Variants in PDCD4 observed in about 807,000 individuals in gnomAD.
The protein encoded by PDCD4 is programmed cell death 4, also known as programmed cell death protein 4.
A neutral mutation model predicts 54.0 loss-of-function variants in PDCD4; 56 were observed. The ratio of observed to expected loss-of-function variants is 1.04; its 90% CI spans 0.84 to 1.30. The LOEUF is 1.30. Among genes scored for constraint, PDCD4 ranks in the 50% most tolerant of loss-of-function variants. PDCD4 has a pLI of 0.00. For missense variants in PDCD4, 584 were observed against 559.8 expected (o/e 1.04, Z -0.44); for synonymous variants, 186 against 194.8 (o/e 0.95, Z 0.37).
intron 8 of PDCD4, chr10:110,890,995 G>T: frequency 5.4e-6 from 1 of 184,904 alleles, no homozygotes; most frequent in Non-Finnish European, 1.1e-5. Flanking sequence ...CTGTGTTTTA[G>T]CTATTCAATA....
rs116960558 is a variant in PDCD4 at position 110,888,334 on chromosome 10, A to G, written c.777+448A>G. ...GTCAAAAGTTTTTAATCAAGGTAAA[A>G]TCACTTTACTTAAAACATTAATTTA... On this transcript the variant is annotated intron_variant, in intron 6 of 11. Transcript: ENST00000280154. Among the ~76,000 whole-genome samples, 418 of 152,300 alleles carry G rather than the reference A, an allele frequency of 2.7e-3. 1 individual carries two copies. Among genetic ancestry groups the G allele is most frequent in the Non-Finnish European group, 5.0e-3 (337 of 67,996 alleles).
intron 1 of PDCD4, among the ~76,000 whole-genome samples, chr10:110,872,577 G>A (rs1459340451): frequency 1.3e-5 from 2 of 152,208 alleles, no homozygotes; most frequent in Non-Finnish European, 2.9e-5. Context: ...GGACTTCGGG[G>A]GTCCTAGCCT....
At chr10:110,874,279 G>A (rs981730407) in intron 1 of PDCD4, among the ~76,000 whole-genome samples, 10 of 152,030 alleles carry the variant, frequency 6.6e-5, no homozygotes, top group East Asian at 3.8e-4. Context: ...TAATCATTTC[G>A]CTTATTAGGT....
intron 2 of PDCD4, among the ~76,000 whole-genome samples, chr10:110,877,119 C>T (rs569906003): frequency 1.3e-5 from 2 of 152,242 alleles, no homozygotes; most frequent in East Asian, 3.9e-4. Context: ...ATGATCATTT[C>T]TGTGCTGCTG....
intron 1 of PDCD4, among the ~76,000 whole-genome samples, chr10:110,873,185 TTGAC>T (rs932864057): frequency 2.6e-5 from 4 of 152,226 alleles, no homozygotes; most frequent in African/African-American, 7.2e-5. Context: ...TGAATTATAA[TTGAC>T]TGGCTTTTTC....
intron 1 of PDCD4, among the ~76,000 whole-genome samples, chr10:110,872,966 C>G (rs1005549747): frequency 1.3e-5 from 2 of 152,254 alleles, no homozygotes. Flanking sequence ...TGAAAACGAT[C>G]AGAAATGCGA....
Position 110,895,979 on chromosome 10 carries a change from A to C in PDCD4, c.1241A>C (p.Asp414Ala). Residue 414 changes from aspartate to alanine, a missense_variant, in exon 11 of 12, where the codon GAC becomes GCC. Asp to Ala is a moderately radical substitution (Grantham distance 126, BLOSUM62 -2). Transcript: ENST00000280154. Reference sequence around the variant, plus strand: ...GAGAGAATTTACAATGAAATTCCGGACATTAATCTGGATGTCCCACATTCA... The same window carrying C: ...GAGAGAATTTACAATGAAATTCCGGCCATTAATCTGGATGTCCCACATTCA... The part of the protein sequence containing the change: ...GYERIYNEIP[D>A]INLDVPHSYS... 6.2e-7 allele frequency: 1 copy of C among 1,604,696 alleles called. No individual in the cohort carries two copies. The highest frequency in any genetic ancestry group is 8.5e-7 in the Non-Finnish European group (1 of 1,175,140).
In PDCD4 at chr10:110,883,044, G is replaced by A; in HGVS notation, c.388G>A (p.Val130Met). The A allele has an allele frequency of 6.2e-7, 1 of 1,601,096 alleles. No homozygotes were observed. ...GKGVWGTPGQVYDVEEVDVKD... is the reference protein window; with the variant it reads ...GKGVWGTPGQMYDVEEVDVKD... The stretch of plus-strand genomic sequence containing the variant: ...AGGTGTCTGGGGTACACCTGGACAG[G>A]TGTATGATGTGGAGGAGGTGGATGT... The change falls in exon 4 of 12, where the codon GTG becomes ATG. Residue 130 changes from valine (V) to methionine (M), a missense_variant. Physicochemically the swap from Val to Met is conservative, Grantham distance 21 (BLOSUM62 1). Transcript: ENST00000280154.
At position 110,889,582 on chromosome 10, in the gene PDCD4, A is replaced by C. The variant is rs779160464; in HGVS notation, c.827A>C (p.Asn276Thr). 3.1e-6 allele frequency: 5 copies of C among 1,608,414 alleles called. No homozygotes were observed. The South Asian group carries it at 5.5e-5, about 18-fold the overall frequency. Reference sequence around the variant, plus strand: ...GCTGTTGGAGATGGAATTTTATGTAATACCTATATTGATAGTTACAAAGGA... The same window carrying C: ...GCTGTTGGAGATGGAATTTTATGTACTACCTATATTGATAGTTACAAAGGA... ...ARAVGDGILC[N>T]TYIDSYKGTV... is the part of the protein sequence containing the mutation. The change falls in exon 7 of 12, where the codon AAT becomes ACT. Residue 276 changes from asparagine (N) to threonine (T), a missense_variant. Physicochemically the swap from Asn to Thr is moderately conservative, Grantham distance 65. Coordinates refer to ENST00000280154, the MANE Select transcript of PDCD4 (RefSeq NM_014456.5).
intron 6 of PDCD4, among the ~76,000 whole-genome samples, chr10:110,888,123 C>T (rs1200363474): frequency 1.3e-5 from 2 of 150,422 alleles, no homozygotes; most frequent in African/African-American, 4.9e-5. Flanking sequence ...CTATGATCTG[C>T]ATAGTTTTTA....
intron 8 of PDCD4, among the ~76,000 whole-genome samples, chr10:110,891,445 A>G (rs949498124): frequency 1.3e-5 from 2 of 150,552 alleles, no homozygotes; most frequent in African/African-American, 4.9e-5. Flanking sequence ...TTGCATTAAA[A>G]TGCCAGATTT....
intron 11 of PDCD4, among the ~76,000 whole-genome samples, chr10:110,896,573 G>T (rs1424152495): frequency 6.6e-6 from 1 of 152,036 alleles, no homozygotes. Context: ...TGTGTGTTGG[G>T]GGGTGTGTGG....
chr10:110,898,198 A>G lies in PDCD4; in HGVS notation c.*110A>G. 2 of 498,664 alleles carry G rather than the reference A, an allele frequency of 4.0e-6. No homozygotes were observed. Among genetic ancestry groups the G allele is most frequent in the Non-Finnish European group, 6.8e-6 (2 of 295,738 alleles). 30.9% of individuals were successfully genotyped at this position (498,664 alleles called of 1,614,324 possible). ...TTTTTTAAGCACTTGTTTTGGGTAC[A>G]AGGCATTTCTGACATTTTATAAACC... On this transcript the variant is annotated 3_prime_UTR_variant, in exon 12 of 12. Transcript: ENST00000280154.
chr10:110,894,724 T>G (rs1845805621), intron 10 of PDCD4, among the ~76,000 whole-genome samples: 1 of 151,830 alleles, frequency 6.6e-6, no homozygotes, highest in Admixed American at 6.6e-5. Flanking sequence ...GCAGTGTTTT[T>G]TTTTTTTTTT....
rs1326585305 is a variant in PDCD4 at position 110,899,403 on chromosome 10, T to TGACA, written c.*1316_*1319dup. 6.6e-6 allele frequency: 1 copy of TGACA among 152,212 alleles called. No individual in the cohort carries two copies. The highest frequency in any genetic ancestry group is 2.4e-5 in the African/African-American group (1 of 41,464). The allele number at this position is 152,212 out of a possible 1,614,324, so 9.4% of individuals were successfully genotyped here. ...TACCATTTTTAGGTTTTTAATTGTT[T>TGACA]GACACTTGGATGATAAATGCAGTCA... is the stretch of plus-strand genomic sequence containing the variant. On this transcript the variant is annotated 3_prime_UTR_variant, in exon 12 of 12. Transcript: ENST00000280154.
At position 110,894,079 on chromosome 10, in the gene PDCD4, T is replaced by A; in HGVS notation, c.991-12T>A. 1 of 1,514,910 alleles carries A rather than the reference T, an allele frequency of 6.6e-7. No homozygotes were observed. The highest frequency in any genetic ancestry group is 1.1e-5 in the South Asian group (1 of 88,228). The allele number at this position is 1,514,910 out of a possible 1,614,324, so 93.8% of individuals were successfully genotyped here. ...AGGAATTCTGACACATCTCAACTTTTAAATCTAATAGATTGATATGCTGCT... is the reference window on the plus strand; with the variant it reads ...AGGAATTCTGACACATCTCAACTTTAAAATCTAATAGATTGATATGCTGCT... On this transcript the variant is annotated splice_polypyrimidine_tract_variant and intron_variant, in intron 8 of 11. Transcript: ENST00000280154.
chr10:110,872,409 G>C (rs1355763961), intron 1 of PDCD4, among the ~76,000 whole-genome samples: 1 of 152,138 alleles, frequency 6.6e-6, no homozygotes, highest in Non-Finnish European at 1.5e-5. Context: ...TGGAAGGCGT[G>C]TTTCCGGCTG....
In PDCD4 at chr10:110,898,014, T is replaced by G; in HGVS notation, c.1350-14T>G. 2 of 1,567,410 alleles carry G rather than the reference T, an allele frequency of 1.3e-6. No homozygotes were observed. Among genetic ancestry groups the G allele is most frequent in the East Asian group, 4.5e-5 (2 of 44,190 alleles). ...TTGTATCTGTTTTCATGTCTTTTTT[T>G]TTCTTCATTACAGGGGCAGAAAGCG... On this transcript the variant is annotated splice_polypyrimidine_tract_variant and intron_variant, in intron 11 of 11. Coordinates refer to ENST00000280154, the MANE Select transcript of PDCD4 (RefSeq NM_014456.5).
intron 2 of PDCD4, among the ~76,000 whole-genome samples, chr10:110,877,636 A>G (rs1309287033): frequency 6.6e-6 from 1 of 152,192 alleles, no homozygotes; most frequent in Non-Finnish European, 1.5e-5. Flanking sequence ...CCTAACTACA[A>G]TAAGACCTAG....
Sources: gnomAD v4.1 joint callset for allele counts (sites outside exome capture counted in the v4.1 genomes callset) on GRCh38, gnomAD v4.1.1 for gene constraint, MANE v1.5 for transcripts, NCBI Gene and HGNC (gene_info 2026-07-23, HGNC 2026-07-21) for gene names.